CACNA1B: variants seen among roughly 807,000 people sequenced by gnomAD.
CACNA1B encodes the protein calcium voltage-gated channel subunit alpha1 B, also known as voltage-dependent N-type calcium channel subunit alpha-1B.
Under a neutral mutation model 247.2 loss-of-function variants are expected in CACNA1B, and 70 were observed. That is an observed-to-expected ratio of 0.28 (90% confidence interval 0.23 to 0.35). The LOEUF (loss-of-function observed/expected upper bound fraction) is 0.35. Among genes scored for constraint, CACNA1B ranks in the 10% least tolerant of loss-of-function variants. The probability of loss-of-function intolerance (pLI) is 1.00; values close to 1 mark genes in which losing one functional copy is unlikely to be tolerated. For synonymous variants in CACNA1B, 1,231 were observed against 1,294.4 expected, an observed-to-expected ratio of 0.95 and a Z score of 1.05; for missense variants, 2,367 against 3,197.4, an observed-to-expected ratio of 0.74 and a Z score of 6.26.
intron 35 of CACNA1B, among the ~76,000 whole-genome samples, chr9:138,076,797 C>T (rs1199931730): frequency 6.6e-6 from 1 of 152,214 alleles, no homozygotes; most frequent in East Asian, 1.9e-4. Flanking sequence ...ATGCACTGGG[C>T]TGCTGTACAG....
At chr9:138,013,370 C>T (rs910286793) in intron 18 of CACNA1B, 135 bp downstream of exon 18, 4 of 611,408 alleles carry the variant, frequency 6.5e-6, no homozygotes, top group Admixed American at 3.2e-5. Context: ...GACACAGCCC[C>T]TCCTCGGAAC....
In CACNA1B at chr9:137,911,505, T is replaced by C. The variant is rs1424781143; in HGVS notation, c.531-1675T>C. Reference sequence around the variant, plus strand: ...ATCTCGGCTCACTGCAACCTCTGCCTCCTGGGCTCAAGCAGTTCTCCTGCC... The same window carrying C: ...ATCTCGGCTCACTGCAACCTCTGCCCCCTGGGCTCAAGCAGTTCTCCTGCC... On this transcript the variant is annotated intron_variant, in intron 3 of 46. Transcript: ENST00000371372. Among the ~76,000 whole-genome samples the C allele has an allele frequency of 4.6e-5, 7 of 152,236 alleles. No homozygotes were observed. In the East Asian group the frequency reaches 1.3e-3, roughly 29 times the overall value.
intron 10 of CACNA1B, among the ~76,000 whole-genome samples, chr9:137,967,488 C>T (rs1958093776): frequency 6.6e-6 from 1 of 152,148 alleles, no homozygotes; most frequent in Admixed American, 6.5e-5. Flanking sequence ...CCTAGGTTTA[C>T]CTTAGCATCT....
rs1209886405 is a variant in CACNA1B, at chr9:137,954,333, A to T, written c.1071-1365A>T. 1.3e-5 allele frequency among the ~76,000 whole-genome samples: 2 copies of T among 152,182 alleles called. No homozygotes were observed. Among genetic ancestry groups the T allele is most frequent in the South Asian group, 4.1e-4 (2 of 4,838 alleles). ...GGGGCCAGCTTGGGGCCAATTCGGCATCTCTCTCTCCATTCCCAGAGCTCC... is the reference window on the plus strand; with the variant it reads ...GGGGCCAGCTTGGGGCCAATTCGGCTTCTCTCTCTCCATTCCCAGAGCTCC... On this transcript the variant is annotated intron_variant, in intron 7 of 46. Transcript: ENST00000371372. The surrounding 1 kb of genome is among the most constrained non-coding windows in gnomAD (Gnocchi z 4.1).
chr9:138,048,522 T>G (rs1382101636), intron 23 of CACNA1B, among the ~76,000 whole-genome samples: 1 of 152,164 alleles, frequency 6.6e-6, no homozygotes, highest in Non-Finnish European at 1.5e-5. Context: ...CTGAGGCCCT[T>G]CGGGGTGTGA....
chr9:137,878,254 GGACCGGGGT>G, intron 1 of CACNA1B, 37 bp downstream of exon 1: 1 of 1,174,630 alleles, frequency 8.5e-7, no homozygotes, highest in Non-Finnish European at 1.1e-6. Context: ...GGCCGGGCGG[GGACCGGGGT>G]GGGGGCCGGG....
chr9:137,919,741 T>C lies in CACNA1B; in HGVS notation c.966+2310T>C, dbSNP rs949774664. ...AGAGAGATGGAAAGCTCAGTCCGTG[T>C]TGGGAGCAGGAGTGGGGGTGTGAGC... On this transcript the variant is annotated intron_variant, in intron 6 of 46. Coordinates refer to ENST00000371372, the MANE Select transcript of CACNA1B (RefSeq NM_000718.4). The surrounding 1 kb of genome is among the most constrained non-coding windows in gnomAD (Gnocchi z 4.6). 2.0e-5 allele frequency among the ~76,000 whole-genome samples: 3 copies of C among 152,226 alleles called. No homozygotes were observed. Among genetic ancestry groups the C allele is most frequent in the African/African-American group, 7.2e-5 (3 of 41,536 alleles).
At chr9:137,944,462 TA>T (rs2133323943) in intron 6 of CACNA1B, among the ~76,000 whole-genome samples, 1 of 152,296 alleles carries the variant, frequency 6.6e-6, no homozygotes, top group Non-Finnish European at 1.5e-5. Flanking sequence ...TAGTCCCAAT[TA>T]GGATCAGTAA....
intron 21 of CACNA1B, among the ~76,000 whole-genome samples, chr9:138,045,257 A>G (rs1469583852): frequency 6.6e-6 from 1 of 152,144 alleles, no homozygotes; most frequent in Non-Finnish European, 1.5e-5. Flanking sequence ...GGGTTGCACC[A>G]TCCCGGAGCA....
At chr9:137,907,201 T>C (rs190186027) in intron 3 of CACNA1B, among the ~76,000 whole-genome samples, 71 of 152,386 alleles carry the variant, frequency 4.7e-4, no homozygotes, top group African/African-American at 1.5e-3. Context: ...TAAACATTTT[T>C]CCATGTTAAC....
intron 31 of CACNA1B, among the ~76,000 whole-genome samples, chr9:138,060,760 G>A (rs908162029): frequency 6.6e-6 from 1 of 152,224 alleles, no homozygotes; most frequent in Non-Finnish European, 1.5e-5. Flanking sequence ...TTCACATTGG[G>A]TTCACTGTGC....
At chr9:137,951,946 A>C (rs1589028733) in intron 6 of CACNA1B, among the ~76,000 whole-genome samples, 2 of 152,002 alleles carry the variant, frequency 1.3e-5, no homozygotes, top group Non-Finnish European at 2.9e-5. Context: ...TGCTCATGCC[A>C]CCTCGGGGCA....
intron 12 of CACNA1B, among the ~76,000 whole-genome samples, chr9:137,977,948 C>A (rs921337504): frequency 2.0e-5 from 3 of 150,094 alleles, no homozygotes; most frequent in Non-Finnish European, 4.5e-5. Context: ...CTACCCCCCC[C>A]AGGAAGGAGT....
At chr9:137,969,871 C>G (rs1489243573) in intron 10 of CACNA1B, among the ~76,000 whole-genome samples, 1 of 152,162 alleles carries the variant, frequency 6.6e-6, no homozygotes, top group Non-Finnish European at 1.5e-5. Context: ...CACCTGCCTC[C>G]CTCCTGCCCT....
chr9:138,078,074 A>G (rs1355881219), intron 35 of CACNA1B, 40 bp from the exon 36 acceptor site: 13 of 1,602,336 alleles, frequency 8.1e-6, no homozygotes, highest in Non-Finnish European at 1.1e-5. Context: ...GGCTCCCTCA[A>G]GGGCCTCTGT....
Position 137,917,179 on chromosome 9 carries a change from G to A in CACNA1B, c.776-62G>A. 6.8e-7 allele frequency: 1 copy of A among 1,478,260 alleles called. No individual in the cohort carries two copies. Among genetic ancestry groups the A allele is most frequent in the Non-Finnish European group, 9.2e-7 (1 of 1,081,348 alleles). The allele number at this position is 1,478,260 out of a possible 1,614,324, so 91.6% of individuals were successfully genotyped here. On this transcript the variant is annotated intron_variant, in intron 5 of 46. Coordinates refer to ENST00000371372, the MANE Select transcript of CACNA1B (RefSeq NM_000718.4). The surrounding 1 kb of genome is among the most constrained non-coding windows in gnomAD (Gnocchi z 5.5). The stretch of plus-strand genomic sequence containing the variant: ...GAGCTCTCCAGAGCCCAGGAATCCT[G>A]GTGGGGATTGGAGAGCTTGGTATTT...
intron 6 of CACNA1B, among the ~76,000 whole-genome samples, chr9:137,923,820 T>C (rs531088379): frequency 6.6e-6 from 1 of 152,334 alleles, no homozygotes; most frequent in Admixed American, 6.5e-5. Flanking sequence ...GGTGACACTT[T>C]TTTATTTTAG....
Position 137,986,395 on chromosome 9 carries a change from C to T in CACNA1B, c.1770-18C>T. 1.9e-6 allele frequency: 3 copies of T among 1,613,048 alleles called. No homozygotes were observed. The highest frequency in any genetic ancestry group is 2.5e-6 in the Non-Finnish European group (3 of 1,179,568). ...TCAGCGTCTGGAGCTGGCTCAGACC[C>T]CCTGCCTGGCCCCGCAGGTACTGGA... On this transcript the variant is annotated intron_variant, in intron 13 of 46. Transcript: ENST00000371372. The surrounding 1 kb of genome is among the most constrained non-coding windows in gnomAD (Gnocchi z 6.0).
rs767183610 is a variant in CACNA1B at position 138,058,545 on chromosome 9, C to T, written c.4309-24C>T. ...GGGTAGGTTTTCTGCTTCTGAGTCT[C>T]TGTGCTCCTTTCTCCCCTTACAGAG... On this transcript the variant is annotated intron_variant, in intron 28 of 46. Coordinates refer to ENST00000371372, the MANE Select transcript of CACNA1B (RefSeq NM_000718.4). This position sits in a 1 kb window ranked among gnomAD's most constrained non-coding sequence, Gnocchi z 4.7. 7.5e-6 allele frequency: 12 copies of T among 1,594,398 alleles called. No homozygotes were observed. The highest frequency in any genetic ancestry group is 1.7e-4 in the Middle Eastern group (1 of 5,984).
Sources: allele counts gnomAD v4.1 joint callset (sites outside exome capture counted in the v4.1 genomes callset), GRCh38; gene constraint gnomAD v4.1.1; non-coding constraint Gnocchi (gnomAD v3.1); transcripts MANE v1.5; gene names NCBI Gene and HGNC (gene_info 2026-07-23, HGNC 2026-07-21).